Variants in ABCC12 observed in about 807,000 individuals in gnomAD.
ABCC12 encodes ATP binding cassette subfamily C member 12.
Under a neutral mutation model 151.1 loss-of-function variants are expected in ABCC12, and 142 were observed. The ratio of observed to expected loss-of-function variants is 0.94; its 90% CI spans 0.82 to 1.08. The LOEUF is 1.08. Ranked by LOEUF, ABCC12 falls within the 50% of genes least tolerant of loss-of-function variation. ABCC12 has a pLI of 0.00. For missense variants in ABCC12, 1,638 were observed against 1,691.1 expected (o/e 0.97, Z 0.55); for synonymous variants, 645 against 646.4 (o/e 1.00, Z 0.03).
chr16:48,092,888 G>A (rs1444962095), intron 24 of ABCC12, among the ~76,000 whole-genome samples: 3 of 152,156 alleles, frequency 2.0e-5, no homozygotes, highest in East Asian at 1.9e-4. Context: ...AGAAGCAAGC[G>A]GTCTTAGCAG....
At chr16:48,140,424 T>C (rs1442959668) in intron 6 of ABCC12, among the ~76,000 whole-genome samples, 1 of 152,136 alleles carries the variant, frequency 6.6e-6, no homozygotes, top group African/African-American at 2.4e-5. Context: ...ATCAAAGCGA[T>C]TGGATTAAGT....
At chr16:48,116,792 A>T (rs989757830) in intron 14 of ABCC12, among the ~76,000 whole-genome samples, 2 of 151,816 alleles carry the variant, frequency 1.3e-5, no homozygotes, top group East Asian at 1.9e-4. Context: ...TGGCAAGGTG[A>T]CTCCCCTGGG....
intron 19 of ABCC12, among the ~76,000 whole-genome samples, chr16:48,107,901 C>G (rs1374238131): frequency 3.3e-5 from 5 of 151,602 alleles, no homozygotes; most frequent in East Asian, 1.9e-4. Flanking sequence ...ACTTGGGAGG[C>G]TGAGGCAGGA....
intron 12 of ABCC12, among the ~76,000 whole-genome samples, chr16:48,123,225 A>G (rs58204235): frequency 0.05 from 7,686 of 152,298 alleles, 638 homozygotes; most frequent in African/African-American, 0.18. Context: ...CAGTTGGGCC[A>G]TCTCTTATGC....
Position 48,084,073 on chromosome 16 carries a change from T to G in ABCC12, c.3829A>C (p.Ile1277Leu). Reference sequence around the variant, plus strand: ...GCGGTGGCTTCATCAAGGAGAATGATCTGTGGAGGAGGAAACATTATAAGC... The same window carrying G: ...GCGGTGGCTTCATCAAGGAGAATGAGCTGTGGAGGAGGAAACATTATAAGC... ...VARALLRNSK[I>L]ILLDEATASM... Residue 1277 changes from isoleucine (I) to leucine (L), a missense_variant and splice_region_variant, in exon 30 of 31, where the codon ATC becomes CTC. By Grantham distance (5) the Ile-to-Leu change is conservative. Coordinates refer to ENST00000311303, the MANE Select transcript of ABCC12 (RefSeq NM_001393797.1). 1 of 1,608,220 alleles carries G rather than the reference T, an allele frequency of 6.2e-7. No homozygotes were observed. Among genetic ancestry groups the G allele is most frequent in the South Asian group, 1.1e-5 (1 of 88,890 alleles).
chr16:48,126,499 C>T (rs16945839), intron 11 of ABCC12, among the ~76,000 whole-genome samples: 7,652 of 152,230 alleles, frequency 0.05, 637 homozygotes, highest in African/African-American at 0.18. Flanking sequence ...CTGTAGAACA[C>T]TTGAGGGCAG....
chr16:48,147,337 C>A (rs1965036354), intron 2 of ABCC12, among the ~76,000 whole-genome samples: 1 of 152,186 alleles, frequency 6.6e-6, no homozygotes, highest in Non-Finnish European at 1.5e-5. Context: ...CCCATGACAG[C>A]CACTTCCCCA....
intron 4 of ABCC12, among the ~76,000 whole-genome samples, chr16:48,143,127 G>T (rs1365807122): frequency 6.6e-6 from 1 of 152,192 alleles, no homozygotes; most frequent in African/African-American, 2.4e-5. Flanking sequence ...AATATATTTT[G>T]TAATATAAAA....
At chr16:48,146,753 C>T (rs529824950) in intron 2 of ABCC12, 22 of 240,600 alleles carry the variant, frequency 9.1e-5, no homozygotes, top group African/African-American at 4.3e-4. Flanking sequence ...GGTTGGGAGC[C>T]GGTCCAATGA....
intron 18 of ABCC12, among the ~76,000 whole-genome samples, chr16:48,109,546 A>G (rs996337724): frequency 2.0e-5 from 3 of 151,752 alleles, no homozygotes; most frequent in African/African-American, 7.3e-5. Context: ...GGGGCACCCC[A>G]CATACAGACT....
At position 48,139,145 on chromosome 16, in the gene ABCC12, G is replaced by A. The variant is rs1345227072; in HGVS notation, c.831+18C>T. ...ATGCAAATACAAAGCAGTTAGAAGC[G>A]CAAAAGCCTGCCGTTACCTGGACGG... On this transcript the variant is annotated intron_variant, in intron 7 of 30. Coordinates refer to ENST00000311303, the MANE Select transcript of ABCC12 (RefSeq NM_001393797.1). 2.5e-6 allele frequency: 4 copies of A among 1,569,156 alleles called. No homozygotes were observed. The highest frequency in any genetic ancestry group is 1.4e-5 in the African/African-American group (1 of 72,770).
At chr16:48,150,870 C>T (rs915756347) in intron 2 of ABCC12, among the ~76,000 whole-genome samples, 2 of 152,148 alleles carry the variant, frequency 1.3e-5, no homozygotes, top group Admixed American at 1.3e-4. Flanking sequence ...CAACTTGAAT[C>T]CATTACCATA....
chr16:48,109,400 AAGCAGCTCCT>A (rs1364416738), intron 18 of ABCC12, among the ~76,000 whole-genome samples: 1 of 152,212 alleles, frequency 6.6e-6, no homozygotes, highest in African/African-American at 2.4e-5. Context: ...ATGCTGGATA[AAGCAGCTCCT>A]AGCAGCCAGT....
chr16:48,085,374 A>C (rs57124014), intron 29 of ABCC12, among the ~76,000 whole-genome samples: 6,599 of 152,136 alleles, frequency 0.043, 505 homozygotes, highest in African/African-American at 0.15. Flanking sequence ...AGACCTCCCC[A>C]GGGGAAGCCT....
intron 19 of ABCC12, 55 bp downstream of exon 19, chr16:48,108,385 G>T: frequency 6.7e-7 from 1 of 1,499,650 alleles, no homozygotes; most frequent in Non-Finnish European, 9.3e-7. Context: ...AACAGTTTAA[G>T]ACAGGATTTT....
At chr16:48,141,487 C>T (rs1964814179) in intron 4 of ABCC12, 134 bp from the exon 5 acceptor site, 1 of 1,171,820 alleles carries the variant, frequency 8.5e-7, no homozygotes, top group Admixed American at 2.3e-5. Context: ...CCAGCACTGG[C>T]TCAGCTTTCT....
chr16:48,109,816 G>A (rs1225474153), intron 18 of ABCC12, among the ~76,000 whole-genome samples: 15 of 152,352 alleles, frequency 9.8e-5, no homozygotes, highest in African/African-American at 3.4e-4. Flanking sequence ...CAGGAGTGCC[G>A]CTGATGCTCT....
intron 22 of ABCC12, 111 bp from the exon 23 acceptor site, chr16:48,101,120 C>A (rs1412467776): frequency 1.5e-5 from 19 of 1,280,372 alleles, no homozygotes; most frequent in Non-Finnish European, 2.0e-5. Context: ...AAGTCAGAGA[C>A]GGTGCCATCT....
chr16:48,101,096 T>G, intron 22 of ABCC12, 87 bp from the exon 23 acceptor site: 1 of 1,479,038 alleles, frequency 6.8e-7, no homozygotes, highest in Non-Finnish European at 9.1e-7. Context: ...AACTAGGCAC[T>G]CAGCACAGTG....
Sources: allele counts gnomAD v4.1 joint callset (sites outside exome capture counted in the v4.1 genomes callset), GRCh38; gene constraint gnomAD v4.1.1; transcripts MANE v1.5; gene names NCBI Gene and HGNC (gene_info 2026-07-23, HGNC 2026-07-21).